Variants in DOCK3 observed in about 807,000 individuals in gnomAD.
DOCK3 encodes the protein dedicator of cytokinesis 3.
In DOCK3, 60 loss-of-function variants were observed where a neutral mutation model predicts 265.6. The ratio of observed to expected loss-of-function variants is 0.23; its 90% CI spans 0.18 to 0.28. The LOEUF (loss-of-function observed/expected upper bound fraction) is 0.28. DOCK3 is among the 10% of genes least tolerant of loss of function. The pLI is 1.00. For synonymous variants in DOCK3, 881 were observed against 938.0 expected (o/e 0.94, Z 1.11); for missense variants, 1,981 against 2,594.3 (o/e 0.76, Z 5.14).
At chr3:50,820,609 A>G (rs923222191) in intron 2 of DOCK3, among the ~76,000 whole-genome samples, 1 of 152,084 alleles carries the variant, frequency 6.6e-6, no homozygotes. Flanking sequence ...TGTCTTTGCT[A>G]TTGTGAATAG....
chr3:51,181,334 G>C (rs987395564), intron 12 of DOCK3, among the ~76,000 whole-genome samples: 1 of 125,332 alleles, frequency 8.0e-6, no homozygotes, highest in Non-Finnish European at 1.5e-5. Context: ...TCCCCTTCCT[G>C]TGTCCAAGTG....
At chr3:50,940,186 G>T (rs574615718) in intron 5 of DOCK3, among the ~76,000 whole-genome samples, 1 of 151,344 alleles carries the variant, frequency 6.6e-6, no homozygotes, top group East Asian at 1.9e-4. Context: ...GCCAGGCACA[G>T]TGTCTCATGC....
chr3:51,211,831 G>A (rs1224122039), intron 13 of DOCK3, among the ~76,000 whole-genome samples: 1 of 152,188 alleles, frequency 6.6e-6, no homozygotes, highest in African/African-American at 2.4e-5. Flanking sequence ...ACGTGTGCAT[G>A]TGTCTTTATA....
chr3:51,270,641 G>A (rs1196249945), intron 23 of DOCK3, among the ~76,000 whole-genome samples, 174 bp from the exon 24 acceptor site: 1 of 152,128 alleles, frequency 6.6e-6, no homozygotes. Flanking sequence ...TTCCTTTTTG[G>A]TTTTTCTTGC....
chr3:51,187,266 C>T (rs2087664223), intron 12 of DOCK3, among the ~76,000 whole-genome samples: 1 of 152,232 alleles, frequency 6.6e-6, no homozygotes, highest in African/African-American at 2.4e-5. Flanking sequence ...GATTTGACTG[C>T]CTCACTGGAT....
chr3:51,382,444 A>G lies in DOCK3; in HGVS notation c.*885A>G, dbSNP rs2088710341. 6.5e-6 allele frequency: 1 copy of G among 152,686 alleles called. No individual in the cohort carries two copies. Among genetic ancestry groups the G allele is most frequent in the African/African-American group, 2.4e-5 (1 of 41,532 alleles). The allele number at this position is 152,686 out of a possible 1,614,324, so 9.5% of individuals were successfully genotyped here. ...GGTCCCCTTCCTATGTGGTAGAGAG[A>G]CTGGTGTAAGAGTGTGGGGTGTGGC... On this transcript the variant is annotated 3_prime_UTR_variant, in exon 53 of 53. Coordinates refer to ENST00000266037, the MANE Select transcript of DOCK3 (RefSeq NM_004947.5).
chr3:51,077,215 AAG>A (rs1488857148), intron 7 of DOCK3, among the ~76,000 whole-genome samples: 1 of 152,182 alleles, frequency 6.6e-6, no homozygotes, highest in Non-Finnish European at 1.5e-5. Flanking sequence ...ATGGAAAGTG[AAG>A]AGAGAATGAG....
intron 5 of DOCK3, among the ~76,000 whole-genome samples, chr3:50,942,307 G>A (rs2076319036): frequency 6.6e-6 from 1 of 151,846 alleles, no homozygotes; most frequent in South Asian, 2.1e-4. Flanking sequence ...GAAACAAATA[G>A]CTTATTTGTG....
chr3:51,374,489 A>C lies in DOCK3; in HGVS notation c.5314A>C (p.Lys1772Gln). The C allele has an allele frequency of 6.2e-7, 1 of 1,613,596 alleles. No individual in the cohort carries two copies. Among genetic ancestry groups the C allele is most frequent in the Non-Finnish European group, 8.5e-7 (1 of 1,179,750 alleles). Residue 1772 changes from lysine (K) to glutamine (Q), a missense_variant, in exon 50 of 53, where the codon AAG becomes CAG. This residue lies in a region of DOCK3 where 1,357 missense variants were observed against 1,866.8 expected (regional missense o/e 0.73). Transcript: ENST00000266037. The surrounding 1 kb of genome is among the most constrained non-coding windows in gnomAD (Gnocchi z 4.8). ...SARGSPSLPD[K>Q]YRHAREMMLL... ...TACAGGCTCTCCCTCTCTGCCAGATAAGTACCGCCATGCCCGTGAAATGAT... is the reference window on the plus strand; with the variant it reads ...TACAGGCTCTCCCTCTCTGCCAGATCAGTACCGCCATGCCCGTGAAATGAT...
At chr3:50,879,406 T>G (rs1000692593) in intron 3 of DOCK3, among the ~76,000 whole-genome samples, 1 of 152,032 alleles carries the variant, frequency 6.6e-6, no homozygotes, top group Non-Finnish European at 1.5e-5. Flanking sequence ...GAGACACACA[T>G]AGGCTCAAAA....
intron 1 of DOCK3, among the ~76,000 whole-genome samples, chr3:50,771,113 A>G (rs1404633962): frequency 6.6e-6 from 1 of 152,220 alleles, no homozygotes; most frequent in Admixed American, 6.5e-5. Flanking sequence ...ACATCAAGTT[A>G]AAAAGCTTCT....
intron 5 of DOCK3, among the ~76,000 whole-genome samples, chr3:50,953,845 C>A (rs1355272289): frequency 6.6e-6 from 1 of 152,096 alleles, no homozygotes; most frequent in Non-Finnish European, 1.5e-5. Flanking sequence ...CACGTGCACT[C>A]TTCTACATAT....
intron 2 of DOCK3, among the ~76,000 whole-genome samples, chr3:50,794,442 T>C (rs1485793062): frequency 6.6e-6 from 1 of 152,234 alleles, no homozygotes; most frequent in African/African-American, 2.4e-5. Flanking sequence ...ATATTTAGGA[T>C]AGTTAAGTCT....
intron 12 of DOCK3, among the ~76,000 whole-genome samples, chr3:51,192,290 T>C (rs2087993724): frequency 6.6e-6 from 1 of 151,532 alleles, no homozygotes; most frequent in African/African-American, 2.4e-5. Context: ...TCCTGTTGCA[T>C]TCTTCTGCTT....
chr3:51,224,875 T>G (rs1345334473), intron 14 of DOCK3, among the ~76,000 whole-genome samples: 1 of 152,192 alleles, frequency 6.6e-6, no homozygotes, highest in African/African-American at 2.4e-5. Context: ...CTCATCACCC[T>G]AAAAAGGAAG....
Position 51,335,991 on chromosome 3 carries a change from C to CA in DOCK3, c.3612-2353dup, listed in dbSNP as rs560859648. ...TGGGCGACAAAATGAGACCCTGTCTCAAAAAAAAAAAAAAAGAAAAGAAAA... is the reference window on the plus strand; with the variant it reads ...TGGGCGACAAAATGAGACCCTGTCTCAAAAAAAAAAAAAAAAGAAAAGAAAA... On this transcript the variant is annotated intron_variant, in intron 35 of 52. Coordinates refer to ENST00000266037, the MANE Select transcript of DOCK3 (RefSeq NM_004947.5). Among the ~76,000 whole-genome samples, 494 of 57,670 alleles carry CA rather than the reference C, an allele frequency of 8.6e-3. 3 individuals carry two copies. The highest frequency in any genetic ancestry group is 0.021 in the African/African-American group (334 of 15,614). 37.8% of individuals were successfully genotyped at this position (57,670 alleles called of 152,430 possible).
intron 7 of DOCK3, among the ~76,000 whole-genome samples, chr3:51,088,142 C>T (rs748794549): frequency 2.0e-5 from 3 of 151,916 alleles, no homozygotes; most frequent in South Asian, 4.1e-4. Flanking sequence ...TGAAATAAGC[C>T]GGGCACAGAA....
chr3:50,726,822 A>G (rs956190087), intron 1 of DOCK3, among the ~76,000 whole-genome samples: 5 of 152,190 alleles, frequency 3.3e-5, no homozygotes, highest in African/African-American at 1.2e-4. Flanking sequence ...ACCACATTAT[A>G]ATATTCAAAA....
chr3:50,993,993 C>CT (rs1007375543), intron 5 of DOCK3, among the ~76,000 whole-genome samples: 4 of 151,696 alleles, frequency 2.6e-5, no homozygotes, highest in Admixed American at 1.3e-4. Flanking sequence ...TAGAAAGTTG[C>CT]TTTTTTTTAA....
Sources: gnomAD v4.1 joint callset for allele counts (sites outside exome capture counted in the v4.1 genomes callset) on GRCh38, gnomAD v4.1.1 for gene constraint, gnomAD v4.1.1 regional missense constraint, Gnocchi (gnomAD v3.1) non-coding constraint, MANE v1.5 for transcripts, NCBI Gene and HGNC (gene_info 2026-07-23, HGNC 2026-07-21) for gene names.